The following LTN1 variants were observed in gnomAD, a reference collection of about 807,000 sequenced individuals.
The protein encoded by LTN1 is listerin E3 ubiquitin protein ligase 1.
A neutral mutation model predicts 201.2 loss-of-function variants in LTN1; 88 were observed. The observed-to-expected ratio is 0.44, with a 90% confidence interval of 0.37 to 0.52. LTN1 has a LOEUF of 0.52. LTN1 is among the 20% of genes least tolerant of loss of function. The probability of loss-of-function intolerance (pLI) is 0.00; values close to 1 mark genes in which losing one functional copy is unlikely to be tolerated. For synonymous variants in LTN1, 645 were observed against 713.5 expected (o/e 0.90, Z 1.53); for missense variants, 1,752 against 2,038.7 (o/e 0.86, Z 2.71).
At chr21:28,989,400 T>C (rs2084727353) in intron 1 of LTN1, among the ~76,000 whole-genome samples, 1 of 152,098 alleles carries the variant, frequency 6.6e-6, no homozygotes, top group Non-Finnish European at 1.5e-5. Context: ...ACTCTTATGA[T>C]CTTTGTATGT....
At chr21:28,939,418 AAC>A (rs1430113914) in intron 25 of LTN1, among the ~76,000 whole-genome samples, 5 of 152,210 alleles carry the variant, frequency 3.3e-5, no homozygotes, top group Non-Finnish European at 7.3e-5. Flanking sequence ...AGCTTTATAA[AAC>A]AGACACAAAA....
chr21:28,970,388 C>A (rs2084563702), intron 8 of LTN1, among the ~76,000 whole-genome samples, 164 bp downstream of exon 8: 1 of 152,088 alleles, frequency 6.6e-6, no homozygotes, highest in Non-Finnish European at 1.5e-5. Context: ...CCACTGAAGT[C>A]TTGAACGTAC....
chr21:28,955,027 A>G (rs2084413120), intron 16 of LTN1, among the ~76,000 whole-genome samples: 1 of 152,200 alleles, frequency 6.6e-6, no homozygotes, highest in Admixed American at 6.5e-5. Flanking sequence ...TTTGCAAACT[A>G]TTCATCCAAC....
intron 9 of LTN1, among the ~76,000 whole-genome samples, chr21:28,968,464 T>G (rs1236067681): frequency 6.6e-6 from 1 of 152,210 alleles, no homozygotes; most frequent in Non-Finnish European, 1.5e-5. Context: ...CATAACCTTC[T>G]CTCATCTCTG....
intron 4 of LTN1, among the ~76,000 whole-genome samples, chr21:28,984,449 TAA>T (rs1301570047): frequency 2.6e-5 from 4 of 152,050 alleles, no homozygotes; most frequent in African/African-American, 9.7e-5. Flanking sequence ...AAAAATATAA[TAA>T]AGACTTCAAA....
In LTN1 at chr21:28,966,883, A is replaced by AT. The variant is rs560176639; in HGVS notation, c.1607dup (p.Asn536LysfsTer3). 8.5e-4 allele frequency: 1,062 copies of AT among 1,247,848 alleles called. No homozygotes were observed. The highest frequency in any genetic ancestry group is 1.6e-3 in the Admixed American group (74 of 47,512). The allele number at this position is 1,247,848 out of a possible 1,614,324, so 77.3% of individuals were successfully genotyped here. On this transcript the variant is annotated frameshift_variant, in exon 10 of 30. Transcript: ENST00000361371. LOFTEE classifies it high-confidence loss of function. The stretch of plus-strand genomic sequence containing the variant: ...TCTCATCAGCAAATCTAACCTTACC[A>AT]TTTTTTTTTTTACTTGACTTCAATG...
chr21:28,966,347 G>A (rs2084522261), intron 10 of LTN1, 23 bp downstream of exon 10: 1 of 1,546,130 alleles, frequency 6.5e-7, no homozygotes, highest in Non-Finnish European at 8.7e-7. Flanking sequence ...CAAATAGTTT[G>A]AAAAGATATA....
chr21:28,972,152 C>G (rs539307155), intron 6 of LTN1, among the ~76,000 whole-genome samples: 55 of 152,280 alleles, frequency 3.6e-4, no homozygotes, highest in African/African-American at 1.0e-3. Context: ...CATGTTTACT[C>G]CTTCTGCCAT....
rs1403934158 is a variant in LTN1, at chr21:28,935,186, T to C, written c.4798A>G (p.Lys1600Glu). 1 of 1,613,564 alleles carries C rather than the reference T, an allele frequency of 6.2e-7. No individual in the cohort carries two copies. Among genetic ancestry groups the C allele is most frequent in the Non-Finnish European group, 8.5e-7 (1 of 1,179,528 alleles). The change falls in exon 27 of 30, where the codon AAG (lysine) becomes GAG (glutamate). Residue 1600 changes from lysine (K) to glutamate (E), a missense_variant. By Grantham distance (56) the Lys-to-Glu change is moderately conservative. This residue lies in a region of LTN1 where 261 missense variants were observed against 350.1 expected (regional missense o/e 0.75). Transcript: ENST00000361371. ...VFNIVDRFTS[K>E]YVSSVLSFQE... ...AAAGAAAGAACACTGCTGACATACT[T>C]GCTTGTAAATCTATCCACAATATTG...
At chr21:28,990,973 C>T (rs908326361) in intron 1 of LTN1, among the ~76,000 whole-genome samples, 8 of 152,000 alleles carry the variant, frequency 5.3e-5, no homozygotes. Context: ...TGGCAAAACT[C>T]TGTCCCTACA....
In LTN1 at chr21:28,956,628, T is replaced by C. The variant is rs1601184730; in HGVS notation, c.3079+134A>G. On this transcript the variant is annotated intron_variant, in intron 16 of 29. Transcript: ENST00000361371. ...TTCACCACTTAAGTAACTTCAAGGTTCTCATCATTAAAATAGGAAAAAGAA... is the reference window on the plus strand; with the variant it reads ...TTCACCACTTAAGTAACTTCAAGGTCCTCATCATTAAAATAGGAAAAAGAA... 79 of 518,062 alleles carry C rather than the reference T, an allele frequency of 1.5e-4. No individual in the cohort carries two copies. In the East Asian group the frequency reaches 2.6e-3, roughly 17 times the overall value. The allele number at this position is 518,062 out of a possible 1,614,324, so 32.1% of individuals were successfully genotyped here. A position where few individuals can be genotyped will look rare whatever the true frequency, so the allele number is the denominator to read the frequency against.
At chr21:28,951,146 T>C (rs184241786) in intron 18 of LTN1, among the ~76,000 whole-genome samples, 1 of 152,238 alleles carries the variant, frequency 6.6e-6, no homozygotes, top group Admixed American at 6.5e-5. Flanking sequence ...ACTGGGTAGA[T>C]GTATGATTTA....
chr21:28,963,486 C>T (rs531415807), intron 11 of LTN1, among the ~76,000 whole-genome samples: 5 of 151,954 alleles, frequency 3.3e-5, no homozygotes, highest in East Asian at 3.9e-4. Context: ...GTTGGAAAAA[C>T]GAAGGAAAAA....
chr21:28,933,443 A>G (rs1441032059), intron 27 of LTN1, among the ~76,000 whole-genome samples: 1 of 152,214 alleles, frequency 6.6e-6, no homozygotes, highest in African/African-American at 2.4e-5. Flanking sequence ...AACTCTGATC[A>G]TGCTACTGCC....
chr21:28,971,478 CT>C, intron 6 of LTN1, 34 bp from the exon 7 acceptor site: 1 of 1,587,232 alleles, frequency 6.3e-7, no homozygotes, highest in Non-Finnish European at 8.6e-7. Flanking sequence ...AAATTAAAAC[CT>C]AGTAAAACTT....
Position 28,981,304 on chromosome 21 carries a change from A to G in LTN1, c.630-5T>C. On this transcript the variant is annotated splice_region_variant and splice_polypyrimidine_tract_variant and intron_variant, in intron 5 of 29. Transcript: ENST00000361371. The stretch of plus-strand genomic sequence containing the variant: ...CTTTCTTCCTCTGGAACAGTTCTTG[A>G]TATAAAACAAAATAAATATATTTAA... 7.0e-7 allele frequency: 1 copy of G among 1,438,236 alleles called. No individual in the cohort carries two copies. Among genetic ancestry groups the G allele is most frequent in the South Asian group, 1.6e-5 (1 of 61,224 alleles). 89.1% of individuals were successfully genotyped at this position (1,438,236 alleles called of 1,614,324 possible).
rs2084752248 is a variant in LTN1 at position 28,992,224 on chromosome 21, GAT to G, written c.42+538_42+539del. On this transcript the variant is annotated intron_variant, in intron 1 of 29. Coordinates refer to ENST00000361371, the MANE Select transcript of LTN1 (RefSeq NM_015565.3). Reference sequence around the variant, plus strand: ...CCAGGTAGTCAAGGCACAGTGAAGAGATCAGTGTGGCTGGATGAAGTAAGCCA... The same window carrying G: ...CCAGGTAGTCAAGGCACAGTGAAGAGCAGTGTGGCTGGATGAAGTAAGCCA... Among the ~76,000 whole-genome samples, 30 of 152,176 alleles carry G rather than the reference GAT, an allele frequency of 2.0e-4. No homozygotes were observed. The South Asian group carries it at 6.2e-3, about 32-fold the overall frequency.
intron 18 of LTN1, among the ~76,000 whole-genome samples, chr21:28,948,247 G>C (rs1483834975): frequency 6.7e-6 from 1 of 148,388 alleles, no homozygotes; most frequent in African/African-American, 2.5e-5. Context: ...AATAGTACCA[G>C]TTGTGTGTCC....
intron 3 of LTN1, 38 bp from the exon 4 acceptor site, chr21:28,984,960 C>A: frequency 6.9e-7 from 1 of 1,458,492 alleles, no homozygotes; most frequent in East Asian, 2.3e-5. Context: ...ATAGCTCTAG[C>A]CCATAAAAAC....
Sources: gnomAD v4.1 joint callset for allele counts (sites outside exome capture counted in the v4.1 genomes callset) on GRCh38, gnomAD v4.1.1 for gene constraint, gnomAD v4.1.1 regional missense constraint, MANE v1.5 for transcripts, NCBI Gene and HGNC (gene_info 2026-07-23, HGNC 2026-07-21) for gene names.